BCL2: variants seen among roughly 807,000 people sequenced by gnomAD.
The protein encoded by BCL2 is apoptosis regulator Bcl-2.
BCL2 carries 1 observed loss-of-function variant against 14.2 expected under a neutral mutation model. The observed-to-expected ratio is 0.07, with a 90% CI of 0.02 to 0.33. BCL2 has a LOEUF of 0.33. Among genes scored for constraint, BCL2 ranks in the 10% least tolerant of loss-of-function variants. BCL2 has a pLI of 0.99. For synonymous variants in BCL2, 151 were observed against 137.2 expected, an observed-to-expected ratio of 1.10 and a Z score of -0.70; for missense variants, 247 against 305.9, an observed-to-expected ratio of 0.81 and a Z score of 1.44.
chr18:63,210,353 G>A (rs1330497643), intron 2 of BCL2, among the ~76,000 whole-genome samples: 3 of 152,126 alleles, frequency 2.0e-5, no homozygotes, highest in Admixed American at 6.6e-5. Flanking sequence ...GGGCTAGTGT[G>A]GACTTCAGGC....
chr18:63,235,673 A>G (rs78223903), intron 2 of BCL2, among the ~76,000 whole-genome samples: 13,095 of 151,920 alleles, frequency 0.086, 606 homozygotes, highest in South Asian at 0.16. Context: ...GCGGGTGGAA[A>G]TGGGGAAAGT....
At chr18:63,236,249 CA>C (rs1449196000) in intron 2 of BCL2, among the ~76,000 whole-genome samples, 2 of 152,208 alleles carry the variant, frequency 1.3e-5, no homozygotes, top group African/African-American at 2.4e-5. Flanking sequence ...TTTTTCTTTA[CA>C]AATTACCCAG....
intron 2 of BCL2, among the ~76,000 whole-genome samples, chr18:63,246,994 A>G (rs747298039): frequency 4.6e-5 from 7 of 152,314 alleles, no homozygotes; most frequent in African/African-American, 1.7e-4. Context: ...AGAATAAACA[A>G]GACAAATTTG....
intron 2 of BCL2, among the ~76,000 whole-genome samples, chr18:63,262,930 C>T (rs1599277097): frequency 1.3e-5 from 2 of 152,158 alleles, no homozygotes; most frequent in Non-Finnish European, 2.9e-5. Flanking sequence ...ACAAAGTGAT[C>T]CAATATCCAC....
chr18:63,195,006 A>C (rs1170700568), intron 2 of BCL2, among the ~76,000 whole-genome samples: 1 of 152,248 alleles, frequency 6.6e-6, no homozygotes, highest in Admixed American at 6.5e-5. Flanking sequence ...ATGATAGTGC[A>C]GTGATATATC....
chr18:63,171,086 T>C (rs545134708), intron 2 of BCL2, among the ~76,000 whole-genome samples: 1 of 152,370 alleles, frequency 6.6e-6, no homozygotes, highest in Admixed American at 6.5e-5. Flanking sequence ...TTTTCCTCTA[T>C]TCTGAATTCA....
chr18:63,202,663 AG>A (rs1303452119), intron 2 of BCL2, among the ~76,000 whole-genome samples: 2 of 152,138 alleles, frequency 1.3e-5, no homozygotes, highest in African/African-American at 4.8e-5. Context: ...CTTCCATCAT[AG>A]GCTACTTTGA....
At chr18:63,174,394 C>G (rs1915300257) in intron 2 of BCL2, among the ~76,000 whole-genome samples, 1 of 151,660 alleles carries the variant, frequency 6.6e-6, no homozygotes, top group Non-Finnish European at 1.5e-5. Context: ...TTTTTCTTCT[C>G]TGCTCCTCTT....
chr18:63,278,132 C>G lies in BCL2; in HGVS notation c.585+39950G>C, dbSNP rs574626322. 2.0e-5 allele frequency among the ~76,000 whole-genome samples: 3 copies of G among 152,316 alleles called. No individual in the cohort carries two copies. The East Asian group carries it at 5.8e-4, about 29-fold the overall frequency. ...TTTGCTTTTCATCAGGCCACTGCCC[C>G]TCCTACTTCCTTAAAATGAATTTTA... On this transcript the variant is annotated intron_variant, in intron 2 of 2. Transcript: ENST00000333681.
intron 2 of BCL2, among the ~76,000 whole-genome samples, chr18:63,174,676 C>T (rs8098548): frequency 0.29 from 43,865 of 151,696 alleles, 8,333 homozygotes; most frequent in East Asian, 0.54. Flanking sequence ...CAAAACTAGC[C>T]GGGCGTAGTG....
rs1166814048 is a variant in BCL2, at chr18:63,149,375, G to A, written c.586-20616C>T. Among the ~76,000 whole-genome samples the A allele has an allele frequency of 6.6e-6, 1 of 152,232 alleles. No individual in the cohort carries two copies. The highest frequency in any genetic ancestry group is 1.5e-5 in the Non-Finnish European group (1 of 68,040). On this transcript the variant is annotated intron_variant, in intron 2 of 2. Coordinates refer to ENST00000333681, the MANE Select transcript of BCL2 (RefSeq NM_000633.3). This position sits in a 1 kb window ranked among gnomAD's most constrained non-coding sequence, Gnocchi z 4.2. ...TCTGACAGGAGCCGGAGCTCAGGCA[G>A]TGATGCTCGCCAGCTGCTCACCTCC...
intron 2 of BCL2, among the ~76,000 whole-genome samples, chr18:63,165,819 C>T (rs753853229): frequency 5.9e-5 from 9 of 152,014 alleles, no homozygotes; most frequent in African/African-American, 1.2e-4. Flanking sequence ...AATCTAAGCC[C>T]GAGGGGATGT....
At chr18:63,267,049 T>C (rs913875845) in intron 2 of BCL2, among the ~76,000 whole-genome samples, 15 of 152,010 alleles carry the variant, frequency 9.9e-5, no homozygotes, top group African/African-American at 3.6e-4. Context: ...GAGTGGCTTG[T>C]GCAAAGGTCA....
intron 2 of BCL2, chr18:63,302,491 T>C (rs901566107): frequency 1.0e-6 from 1 of 985,242 alleles, no homozygotes; most frequent in African/African-American, 1.7e-5. Context: ...CCTTATGAAA[T>C]ACCACGAAGC....
At chr18:63,295,466 C>T (rs1912773515) in intron 2 of BCL2, among the ~76,000 whole-genome samples, 1 of 152,092 alleles carries the variant, frequency 6.6e-6, no homozygotes, top group South Asian at 2.1e-4. Context: ...TCATTGATAG[C>T]TTATTAATAC....
At chr18:63,270,628 T>TC (rs1911978980) in intron 2 of BCL2, among the ~76,000 whole-genome samples, 1 of 152,140 alleles carries the variant, frequency 6.6e-6, no homozygotes, top group Non-Finnish European at 1.5e-5. Context: ...GAAACCCTTT[T>TC]CCCAGAATAG....
intron 2 of BCL2, chr18:63,151,355 A>G (rs1914647254): frequency 6.6e-6 from 1 of 152,090 alleles, no homozygotes; most frequent in African/African-American, 2.4e-5. Context: ...TCAAGAGAAA[A>G]ATGCAACTAC....
At chr18:63,177,018 G>A (rs1254678160) in intron 2 of BCL2, among the ~76,000 whole-genome samples, 2 of 151,710 alleles carry the variant, frequency 1.3e-5, no homozygotes, top group African/African-American at 4.8e-5. Flanking sequence ...CTGGGCTCAG[G>A]TGATTCTCTC....
rs1004041549 is a variant in BCL2, at chr18:63,277,883, G to T, written c.585+40199C>A. Among the ~76,000 whole-genome samples the T allele has an allele frequency of 2.6e-5, 4 of 152,136 alleles. No homozygotes were observed. In the East Asian group the frequency reaches 7.7e-4, roughly 29 times the overall value. On this transcript the variant is annotated intron_variant, in intron 2 of 2. Transcript: ENST00000333681. ...TGTGTGAGATACACTCTAACGTGGG[G>T]ACACGCCACAGTCCTCAGTGGCCCC... is the stretch of plus-strand genomic sequence containing the variant.
Sources: gnomAD v4.1 joint callset for allele counts (sites outside exome capture counted in the v4.1 genomes callset) on GRCh38, gnomAD v4.1.1 for gene constraint, Gnocchi (gnomAD v3.1) non-coding constraint, MANE v1.5 for transcripts, NCBI Gene and HGNC (gene_info 2026-07-23, HGNC 2026-07-21) for gene names.